Variants in SORBS2 observed in about 807,000 individuals in gnomAD.
SORBS2 encodes the protein sorbin and SH3 domain-containing protein 2.
Under a neutral mutation model 97.7 loss-of-function variants are expected in SORBS2, and 46 were observed. That is an observed-to-expected ratio of 0.47 (90% CI 0.37 to 0.60). SORBS2 has a LOEUF of 0.60. Ranked by LOEUF, SORBS2 falls within the 20% of genes least tolerant of loss-of-function variation. The pLI is 0.00. For missense variants in SORBS2, 1,316 were observed against 1,282.3 expected (o/e 1.03, Z -0.40); for synonymous variants, 476 against 473.4 (o/e 1.01, Z -0.07).
intron 1 of SORBS2, among the ~76,000 whole-genome samples, chr4:185,847,661 C>G (rs72705761): frequency 3.3e-5 from 5 of 151,896 alleles, no homozygotes; most frequent in Non-Finnish European, 5.9e-5. Context: ...ACGGCAGCAA[C>G]GATTATAGCA....
Position 185,606,283 on chromosome 4 carries a change from A to G in SORBS2, c.2796+5497T>C, listed in dbSNP as rs2096416313. 9 of 981,136 alleles carry G rather than the reference A, an allele frequency of 9.2e-6. No homozygotes were observed. Among genetic ancestry groups the G allele is most frequent in the Non-Finnish European group, 1.1e-5 (9 of 826,068 alleles). 60.8% of individuals were successfully genotyped at this position (981,136 alleles called of 1,614,324 possible). A position where few individuals can be genotyped will look rare whatever the true frequency, so the allele number is the denominator to read the frequency against. Reference sequence around the variant, plus strand: ...TCTGATACTCAGTAAGAGCTCCACTATTAGCTATCATTGTTAATATTGGAA... The same window carrying G: ...TCTGATACTCAGTAAGAGCTCCACTGTTAGCTATCATTGTTAATATTGGAA... On this transcript the variant is annotated intron_variant, in intron 12 of 14. Transcript: ENST00000418609. This position sits in a 1 kb window ranked among gnomAD's most constrained non-coding sequence, Gnocchi z 4.3.
intron 1 of SORBS2, among the ~76,000 whole-genome samples, chr4:185,870,797 A>G (rs900448856): frequency 5.3e-5 from 8 of 152,242 alleles, no homozygotes; most frequent in African/African-American, 1.9e-4. Context: ...CCCAGTGTCA[A>G]TCAAGGATTC....
chr4:185,684,029 ACC>A lies in SORBS2; in HGVS notation c.-197-5209_-197-5208del, dbSNP rs1426344542. On this transcript the variant is annotated intron_variant, in intron 2 of 20. Coordinates refer to the SORBS2 transcript ENST00000284776. This position sits in a 1 kb window ranked among gnomAD's most constrained non-coding sequence, Gnocchi z 4.2. ...AACCAGCCAACCAACCAACCAACCCACCAACCAACCCATCACCAACAGGTGTG... is the reference window on the plus strand; with the variant it reads ...AACCAGCCAACCAACCAACCAACCCAAACCAACCCATCACCAACAGGTGTG... 6.7e-6 allele frequency among the ~76,000 whole-genome samples: 1 copy of A among 150,238 alleles called. No individual in the cohort carries two copies. Among genetic ancestry groups the A allele is most frequent in the Non-Finnish European group, 1.5e-5 (1 of 67,248 alleles).
At chr4:185,953,144 G>C (rs766526373) in intron 1 of SORBS2, among the ~76,000 whole-genome samples, 9 of 152,144 alleles carry the variant, frequency 5.9e-5, no homozygotes, top group Admixed American at 5.9e-4. Flanking sequence ...GTGAAACCCC[G>C]TCTCTACTAA....
intron 1 of SORBS2, among the ~76,000 whole-genome samples, chr4:185,820,742 A>T (rs2153670455): frequency 6.6e-6 from 1 of 152,336 alleles, no homozygotes; most frequent in South Asian, 2.1e-4. Context: ...CCGGGACTTC[A>T]CACGCTGCAC....
chr4:185,595,300 T>A (rs1175733652), intron 12 of SORBS2, among the ~76,000 whole-genome samples: 1 of 152,202 alleles, frequency 6.6e-6, no homozygotes, highest in East Asian at 1.9e-4. Context: ...CTGCACACAA[T>A]TATGACTTAA....
intron 2 of SORBS2, among the ~76,000 whole-genome samples, chr4:185,700,848 A>T (rs1482553258): frequency 1.3e-5 from 2 of 152,124 alleles, no homozygotes; most frequent in Non-Finnish European, 2.9e-5. Context: ...AGCATTCTTC[A>T]TTTTTCATAC....
chr4:185,823,003 A>T (rs1228847527), intron 1 of SORBS2, among the ~76,000 whole-genome samples: 1 of 152,222 alleles, frequency 6.6e-6, no homozygotes, highest in Non-Finnish European at 1.5e-5. Context: ...CAGAAGCTAC[A>T]GATAGAAGGT....
intron 11 of SORBS2, among the ~76,000 whole-genome samples, chr4:185,612,314 G>A (rs1002844289): frequency 1.3e-5 from 2 of 152,086 alleles, no homozygotes; most frequent in Non-Finnish European, 2.9e-5. Flanking sequence ...AAAAGGTAAT[G>A]TCTCAATGAC....
At chr4:185,700,859 C>T (rs1413049718) in intron 2 of SORBS2, among the ~76,000 whole-genome samples, 3 of 152,120 alleles carry the variant, frequency 2.0e-5, no homozygotes, top group African/African-American at 4.8e-5. Context: ...TTTTTCATAC[C>T]TAATATAGTC....
At chr4:185,657,767 G>A (rs776243553), upstream of SORBS2, among the ~76,000 whole-genome samples, 13 of 152,114 alleles carry the variant, frequency 8.5e-5, no homozygotes, top group Admixed American at 3.3e-4. Context: ...GTAGGTGTGC[G>A]GGGAACAGAC....
chr4:185,731,355 T>C (rs1297149065), intron 2 of SORBS2, among the ~76,000 whole-genome samples: 1 of 152,210 alleles, frequency 6.6e-6, no homozygotes, highest in Non-Finnish European at 1.5e-5. Flanking sequence ...ATCTTTGCCC[T>C]GCCATACCTA....
Position 185,684,024 on chromosome 4 carries a change from AACCC to A in SORBS2, c.-197-5206_-197-5203del, listed in dbSNP as rs1256548502. 3.0e-3 allele frequency among the ~76,000 whole-genome samples: 451 copies of A among 151,698 alleles called. 2 individuals carry two copies. The highest frequency in any genetic ancestry group is 6.8e-3 in the Middle Eastern group (2 of 292). ...TAACCAACCAGCCAACCAACCAACC[AACCC>A]ACCAACCAACCCATCACCAACAGGT... On this transcript the variant is annotated intron_variant, in intron 2 of 20. Transcript: ENST00000284776. This position sits in a 1 kb window ranked among gnomAD's most constrained non-coding sequence, Gnocchi z 4.2.
chr4:185,729,069 G>C (rs1410821360), intron 2 of SORBS2, among the ~76,000 whole-genome samples: 2 of 152,250 alleles, frequency 1.3e-5, no homozygotes, highest in African/African-American at 2.4e-5. Context: ...ATTTAGCACA[G>C]TGAATGGGCA....
intron 2 of SORBS2, among the ~76,000 whole-genome samples, chr4:185,748,844 G>A (rs2098780875): frequency 6.6e-6 from 1 of 152,224 alleles, no homozygotes; most frequent in East Asian, 1.9e-4. Flanking sequence ...GGCTGTTTCT[G>A]GAGCCTCATT....
chr4:185,861,241 C>G (rs150897470), intron 1 of SORBS2, among the ~76,000 whole-genome samples: 1 of 147,156 alleles, frequency 6.8e-6, no homozygotes, highest in East Asian at 2.0e-4. Context: ...GTGGCCTGAA[C>G]GAATGTTTTC....
intron 1 of SORBS2, among the ~76,000 whole-genome samples, chr4:185,799,669 T>C (rs1166445085): frequency 6.6e-6 from 1 of 151,730 alleles, no homozygotes; most frequent in Admixed American, 6.6e-5. Context: ...TGGAAGAGAG[T>C]CTTTCTATAA....
chr4:185,595,841 T>C (rs10013518), intron 12 of SORBS2, among the ~76,000 whole-genome samples: 42,313 of 151,880 alleles, frequency 0.28, 8,861 homozygotes, highest in African/African-American at 0.59. Flanking sequence ...TCTTTTGAAC[T>C]ATTCTTTAGA....
rs1304592629 is a variant in SORBS2, at chr4:185,684,814, T to G, written c.-197-5992A>C. 3 of 1,551,840 alleles carry G rather than the reference T, an allele frequency of 1.9e-6. No individual in the cohort carries two copies. In the East Asian group the frequency reaches 7.3e-5, roughly 38 times the overall value. ...TTCACAGATGTTAGCGTAACAGACA[T>G]GGCGGCACGTTTGCGAGCACACCCA... On this transcript the variant is annotated intron_variant, in intron 2 of 20. Transcript: ENST00000284776. The surrounding 1 kb of genome is among the most constrained non-coding windows in gnomAD (Gnocchi z 4.2).
Sources: allele counts gnomAD v4.1 joint callset (sites outside exome capture counted in the v4.1 genomes callset), GRCh38; gene constraint gnomAD v4.1.1; non-coding constraint Gnocchi (gnomAD v3.1); transcripts MANE v1.5; gene names NCBI Gene and HGNC (gene_info 2026-07-23, HGNC 2026-07-21).